The following PAM variants were observed in gnomAD, a reference collection of about 807,000 sequenced individuals.
The protein encoded by PAM is peptidyl-glycine alpha-amidating monooxygenase.
In PAM, 72 loss-of-function variants were observed where a neutral mutation model predicts 122.1. The ratio of observed to expected loss-of-function variants is 0.59; its 90% CI spans 0.49 to 0.72. The LOEUF is 0.72. Among genes scored for constraint, PAM ranks in the 30% least tolerant of loss-of-function variants. PAM has a pLI of 0.00. For missense variants in PAM, 1,106 were observed against 1,183.7 expected (o/e 0.93, Z 0.96); for synonymous variants, 389 against 404.4 (o/e 0.96, Z 0.46).
intron 8 of PAM, among the ~76,000 whole-genome samples, chr5:102,947,473 G>A (rs571568523): frequency 6.6e-6 from 1 of 152,240 alleles, no homozygotes; most frequent in South Asian, 2.1e-4. Flanking sequence ...GAACTAAGCT[G>A]TGAGAATGCA....
intron 15 of PAM, among the ~76,000 whole-genome samples, chr5:102,987,272 T>C (rs929086891): frequency 6.6e-6 from 1 of 152,200 alleles, no homozygotes; most frequent in African/African-American, 2.4e-5. Context: ...GAGGTCATTA[T>C]ATTAAGTGAA....
intron 14 of PAM, among the ~76,000 whole-genome samples, chr5:102,969,935 G>GT (rs1395679659): frequency 6.6e-6 from 1 of 152,076 alleles, no homozygotes; most frequent in Non-Finnish European, 1.5e-5. Flanking sequence ...AAACACCAGC[G>GT]TTTTTTACAT....
At chr5:102,848,097 T>G (rs1004945539) in intron 1 of PAM, among the ~76,000 whole-genome samples, 2 of 152,124 alleles carry the variant, frequency 1.3e-5, no homozygotes, top group African/African-American at 2.4e-5. Flanking sequence ...GGAAAAGAAT[T>G]CTGTAAAATT....
In PAM at chr5:102,976,376, G is replaced by A. The variant is rs534271267; in HGVS notation, c.1483+1940G>A. 2.0e-5 allele frequency among the ~76,000 whole-genome samples: 3 copies of A among 151,768 alleles called. No individual in the cohort carries two copies. The South Asian group carries it at 6.3e-4, about 32-fold the overall frequency. On this transcript the variant is annotated intron_variant, in intron 15 of 25. Coordinates refer to ENST00000438793, the MANE Select transcript of PAM (RefSeq NM_001177306.2). ...CTGTTTCATTCCTTTGGGTAAGCCA[G>A]AGGAAAACCTATCCTCAGGAAGCTT...
At chr5:103,023,535 A>G (rs929884580) in intron 23 of PAM, among the ~76,000 whole-genome samples, 8 of 151,442 alleles carry the variant, frequency 5.3e-5, no homozygotes, top group Admixed American at 3.3e-4. Context: ...ATGAGTGGTC[A>G]GAAAGAATAG....
At chr5:102,935,218 T>C (rs1752867599) in intron 7 of PAM, among the ~76,000 whole-genome samples, 3 of 152,264 alleles carry the variant, frequency 2.0e-5, no homozygotes, top group Middle Eastern at 6.8e-3. Flanking sequence ...TCAGCATTTC[T>C]ATATGTGGAA....
chr5:102,973,335 G>A (rs1487105180), intron 14 of PAM, among the ~76,000 whole-genome samples: 2 of 152,128 alleles, frequency 1.3e-5, no homozygotes, highest in African/African-American at 4.8e-5. Flanking sequence ...GTCATATTTT[G>A]TATATGTGAT....
chr5:102,822,054 A>G (rs985947053), intron 1 of PAM, among the ~76,000 whole-genome samples: 13 of 152,194 alleles, frequency 8.5e-5, no homozygotes, highest in Admixed American at 7.9e-4. Context: ...TGGTAGTTGT[A>G]GTGGTGATGG....
chr5:102,776,992 A>C (rs1757333270), intron 1 of PAM, among the ~76,000 whole-genome samples: 1 of 152,016 alleles, frequency 6.6e-6, no homozygotes, highest in African/African-American at 2.4e-5. Context: ...AAGTATGCAG[A>C]AAAGTTTTTT....
intron 1 of PAM, among the ~76,000 whole-genome samples, chr5:102,804,951 T>G (rs1437727375): frequency 1.3e-5 from 2 of 152,176 alleles, no homozygotes. Context: ...AAACATCAAT[T>G]TAAGGTGGCT....
chr5:102,778,270 G>A (rs1466055623), intron 1 of PAM, among the ~76,000 whole-genome samples: 1 of 152,034 alleles, frequency 6.6e-6, no homozygotes, highest in African/African-American at 2.4e-5. Context: ...GTATTTATAT[G>A]TTTATATTCG....
chr5:102,986,460 G>C (rs948475919), intron 15 of PAM, among the ~76,000 whole-genome samples: 2 of 151,924 alleles, frequency 1.3e-5, no homozygotes, highest in African/African-American at 4.8e-5. Flanking sequence ...AGCTGAAAAA[G>C]AAATCAAGAA....
rs777809631 is a variant in PAM, at chr5:102,866,261, A to C, written c.66A>C (p.Arg22=). Residue 22 remains arginine, a synonymous_variant, in exon 2 of 26, where the codon CGA becomes CGC. Transcript: ENST00000438793. ...LVFPSSCLAF[R]SPLSVFKRFK... ...TTCCAAGCAGCTGTTTGGCTTTCCG[A>C]AGCCCACTTTCTGTCTTTAAGAGGT... 58 of 1,612,672 alleles carry C rather than the reference A, an allele frequency of 3.6e-5. No individual in the cohort carries two copies. The highest frequency in any genetic ancestry group is 4.6e-5 in the Non-Finnish European group (54 of 1,178,908).
At chr5:102,778,535 C>T (rs1036822059) in intron 1 of PAM, among the ~76,000 whole-genome samples, 2 of 151,912 alleles carry the variant, frequency 1.3e-5, no homozygotes, top group African/African-American at 4.8e-5. Flanking sequence ...AAAACTAGAC[C>T]CCATATGATG....
At chr5:102,932,862 T>G (rs1752054053) in intron 7 of PAM, among the ~76,000 whole-genome samples, 1 of 152,130 alleles carries the variant, frequency 6.6e-6, no homozygotes, top group Non-Finnish European at 1.5e-5. Context: ...TTTCCAGTTT[T>G]TAGGAGTACG....
chr5:102,755,187 G>T (rs972139036), upstream of PAM: 3 of 152,610 alleles, frequency 2.0e-5, no homozygotes, highest in East Asian at 1.9e-4. Flanking sequence ...ACCCGGCTGG[G>T]CCCGGCGCAC....
chr5:102,882,379 A>G (rs1455049024), intron 3 of PAM, among the ~76,000 whole-genome samples: 1 of 151,518 alleles, frequency 6.6e-6, no homozygotes, highest in Non-Finnish European at 1.5e-5. Context: ...ATCCACACCA[A>G]CATCTATTAT....
chr5:102,927,143 T>C (rs542751299), intron 7 of PAM, among the ~76,000 whole-genome samples: 1 of 152,198 alleles, frequency 6.6e-6, no homozygotes, highest in Admixed American at 6.5e-5. Flanking sequence ...AACTCATCCA[T>C]TGTCCACTGC....
chr5:102,797,535 G>A (rs1763693242), intron 1 of PAM, among the ~76,000 whole-genome samples: 1 of 152,134 alleles, frequency 6.6e-6, no homozygotes, highest in Non-Finnish European at 1.5e-5. Flanking sequence ...AGAACTGAAT[G>A]TCAGGCAGAA....
Sources: gnomAD v4.1 joint callset for allele counts (sites outside exome capture counted in the v4.1 genomes callset) on GRCh38, gnomAD v4.1.1 for gene constraint, MANE v1.5 for transcripts, NCBI Gene and HGNC (gene_info 2026-07-23, HGNC 2026-07-21) for gene names.